The following RBM34 variants were observed in gnomAD, a reference collection of about 807,000 sequenced individuals.
The protein encoded by RBM34 is RNA binding motif protein 34.
Under a neutral mutation model 44.6 loss-of-function variants are expected in RBM34, and 39 were observed. The observed-to-expected ratio is 0.87, with a 90% CI of 0.68 to 1.14. RBM34 has a LOEUF of 1.14. Ranked by LOEUF, RBM34 falls within the 50% of genes most tolerant of loss-of-function variation. The probability of loss-of-function intolerance (pLI) is 0.00; values close to 1 mark genes in which losing one functional copy is unlikely to be tolerated. For synonymous variants in RBM34, 194 were observed against 184.0 expected (o/e 1.05, Z -0.44); for missense variants, 572 against 517.9 (o/e 1.10, Z -1.01).
chr1:235,140,680 C>G (rs1054509081), intron 6 of RBM34, among the ~76,000 whole-genome samples: 2 of 152,242 alleles, frequency 1.3e-5, no homozygotes, highest in South Asian at 4.1e-4. Flanking sequence ...GGAGTGCAGG[C>G]GCACGGCATG....
intron 10 of RBM34, among the ~76,000 whole-genome samples, chr1:235,133,335 T>C (rs998813312): frequency 6.6e-6 from 1 of 152,186 alleles, no homozygotes. Context: ...AGTGAGACTC[T>C]GTCTCAAAAA....
At position 235,148,508 on chromosome 1, in the gene RBM34, T is replaced by A; in HGVS notation, c.658-61A>T. 3.8e-6 allele frequency: 5 copies of A among 1,331,188 alleles called. No homozygotes were observed. In the East Asian group the frequency reaches 9.7e-5, roughly 26 times the overall value. 82.5% of individuals were successfully genotyped at this position (1,331,188 alleles called of 1,614,324 possible). A position where few individuals can be genotyped will look rare whatever the true frequency, so the allele number is the denominator to read the frequency against. ...TTTGAAGTATTACCTCAAATTAATA[T>A]TTTAAGTGAAGTCTAAGTATCTAAC... On this transcript the variant is annotated intron_variant, in intron 5 of 10. Transcript: ENST00000408888.
rs781088992 is a variant in RBM34 at position 235,131,433 on chromosome 1, A to G, written c.*280T>C. The G allele has an allele frequency of 7.9e-5, 20 of 252,972 alleles. No individual in the cohort carries two copies. Among genetic ancestry groups the G allele is most frequent in the Non-Finnish European group, 1.3e-4 (18 of 133,580 alleles). 15.7% of individuals were successfully genotyped at this position (252,972 alleles called of 1,614,324 possible). On this transcript the variant is annotated 3_prime_UTR_variant, in exon 11 of 11. Transcript: ENST00000408888. ...TGAGGCAGGAGAAGCGCTTGAACCC[A>G]GAAGGCAGAGGTTGCAGTGAGCCAA... is the stretch of plus-strand genomic sequence containing the variant.
chr1:235,149,250 G>A (rs556120455), intron 5 of RBM34, among the ~76,000 whole-genome samples: 1 of 151,814 alleles, frequency 6.6e-6, no homozygotes, highest in Admixed American at 6.6e-5. Flanking sequence ...TTAGCCAGAC[G>A]TGGTGGCGGG....
At position 235,160,534 on chromosome 1, in the gene RBM34, G is replaced by T; in HGVS notation, c.342C>A (p.Asn114Lys). 8 of 1,612,966 alleles carry T rather than the reference G, an allele frequency of 5.0e-6. No individual in the cohort carries two copies. Among genetic ancestry groups the T allele is most frequent in the Non-Finnish European group, 6.8e-6 (8 of 1,179,764 alleles). The change falls in exon 3 of 11, where the codon AAC (asparagine) becomes AAA (lysine). Residue 114 changes from asparagine (N) to lysine (K), a missense_variant. Transcript: ENST00000408888. The part of the protein sequence containing the change: ...KKVKAKKKHT[N>K]AEKKLADRES... Reference sequence around the variant, plus strand: ...ACCTGTCTGCCAACTTTTTTTCTGCGTTAGTGTGTTTCTTCTTCGCTTTCA... The same window carrying T: ...ACCTGTCTGCCAACTTTTTTTCTGCTTTAGTGTGTTTCTTCTTCGCTTTCA...
At chr1:235,135,626 A>G (rs1661395155) in intron 10 of RBM34, 26 bp downstream of exon 10, 5 of 1,570,140 alleles carry the variant, frequency 3.2e-6, no homozygotes, top group Admixed American at 1.7e-5. Flanking sequence ...TTCGAAGGAC[A>G]GTGACAATGC....
At chr1:235,136,365 G>A (rs1661433074) in intron 8 of RBM34, among the ~76,000 whole-genome samples, 1 of 152,188 alleles carries the variant, frequency 6.6e-6, no homozygotes, top group Admixed American at 6.5e-5. Flanking sequence ...GGGCCAGATA[G>A]CAAATATTAT....
chr1:235,138,172 C>T lies in RBM34; in HGVS notation c.704G>A (p.Arg235His), dbSNP rs775961717. ...TLSKKLAAIK[R>H]KIHPDQKNIN... ...ATTTTTCTGATCAGGATGAATTTTA[C>T]GTCTACACCAAAAAAAAAAAAAGAA... is the stretch of plus-strand genomic sequence containing the variant. The change falls in exon 7 of 11, where the codon CGT (arginine) becomes CAT (histidine). Residue 235 changes from arginine (R) to histidine (H), a missense_variant and splice_region_variant. Coordinates refer to ENST00000408888, the MANE Select transcript of RBM34 (RefSeq NM_015014.4). 16 of 1,561,368 alleles carry T rather than the reference C, an allele frequency of 1.0e-5. No homozygotes were observed. Among genetic ancestry groups the T allele is most frequent in the Admixed American group, 8.1e-5 (4 of 49,410 alleles).
At chr1:235,155,864 T>TACATAC (rs1172166098) in intron 3 of RBM34, among the ~76,000 whole-genome samples, 3 of 81,156 alleles carry the variant, frequency 3.7e-5, no homozygotes, top group African/African-American at 2.9e-4. Flanking sequence ...TATATATATA[T>TACATAC]ATACATATAT....
Position 235,161,166 on chromosome 1 carries a change from C to G in RBM34, c.53+8G>C. On this transcript the variant is annotated splice_region_variant and intron_variant, in intron 1 of 10. Coordinates refer to ENST00000408888, the MANE Select transcript of RBM34 (RefSeq NM_015014.4). Reference sequence around the variant, plus strand: ...CCTCCCCAGGTACTCGTGCCGCGCGCCACTCACCCCTCCTGGACACTTCTC... The same window carrying G: ...CCTCCCCAGGTACTCGTGCCGCGCGGCACTCACCCCTCCTGGACACTTCTC... The G allele has an allele frequency of 3.1e-6, 5 of 1,599,786 alleles. No homozygotes were observed. The highest frequency in any genetic ancestry group is 4.3e-6 in the Non-Finnish European group (5 of 1,170,090).
At chr1:235,137,588 G>A (rs1448133822) in intron 8 of RBM34, among the ~76,000 whole-genome samples, 1 of 150,934 alleles carries the variant, frequency 6.6e-6, no homozygotes, top group Non-Finnish European at 1.5e-5. Context: ...CATTGCTCAG[G>A]CTGCTCTTAA....
At chr1:235,146,445 G>C (rs1312731331) in intron 6 of RBM34, among the ~76,000 whole-genome samples, 1 of 152,042 alleles carries the variant, frequency 6.6e-6, no homozygotes, top group Non-Finnish European at 1.5e-5. Flanking sequence ...GGGAAGGTGT[G>C]GAGTAGTGCA....
intron 5 of RBM34, among the ~76,000 whole-genome samples, chr1:235,149,388 C>CA (rs1171671362): frequency 0.18 from 9,891 of 56,182 alleles, 686 homozygotes; most frequent in African/African-American, 0.25. Context: ...GACTCCGTCT[C>CA]AAAAAAAAAA....
chr1:235,152,471 A>ACAT, intron 5 of RBM34: 1 of 1,232,654 alleles, frequency 8.1e-7, no homozygotes, highest in South Asian at 2.3e-5. Flanking sequence ...CCTCCAAAGT[A>ACAT]CATTGCAGGC....
chr1:235,140,180 T>C (rs1212682987), intron 6 of RBM34, among the ~76,000 whole-genome samples: 1 of 152,234 alleles, frequency 6.6e-6, no homozygotes, highest in Non-Finnish European at 1.5e-5. Flanking sequence ...GCTCCCACTT[T>C]GACGGCACTT....
chr1:235,160,194 G>C (rs963178345), intron 3 of RBM34: 4 of 467,514 alleles, frequency 8.6e-6, no homozygotes, highest in African/African-American at 7.9e-5. Flanking sequence ...GGAGGTTGCA[G>C]TGAGCTGAGA....
chr1:235,160,553 G>A lies in RBM34; in HGVS notation c.323C>T (p.Ala108Val). The change falls in exon 3 of 11, where the codon GCG becomes GTG. Residue 108 changes from alanine (A) to valine (V), a missense_variant. By Grantham distance (64) the Ala-to-Val change is moderately conservative (BLOSUM62 0). Transcript: ENST00000408888. ...LSQEPAKKVK[A>V]KKKHTNAEKK... is the part of the protein sequence containing the mutation. ...TTCTGCGTTAGTGTGTTTCTTCTTC[G>A]CTTTCACTTTTTTGGCAGGTTCTTG... The A allele has an allele frequency of 1.9e-6, 3 of 1,613,820 alleles. No individual in the cohort carries two copies. The highest frequency in any genetic ancestry group is 2.5e-6 in the Non-Finnish European group (3 of 1,179,962).
Position 235,131,619 on chromosome 1 carries a change from A to G in RBM34, c.*94T>C. On this transcript the variant is annotated 3_prime_UTR_variant, in exon 11 of 11. Transcript: ENST00000408888. ...ATACACCATCCATAAAGAAGTATAAAACTCAACACATGAATAGCAGACGAT... is the reference window on the plus strand; with the variant it reads ...ATACACCATCCATAAAGAAGTATAAGACTCAACACATGAATAGCAGACGAT... 7.2e-7 allele frequency: 1 copy of G among 1,379,410 alleles called. No individual in the cohort carries two copies. The highest frequency in any genetic ancestry group is 9.9e-7 in the Non-Finnish European group (1 of 1,013,670). 85.4% of individuals were successfully genotyped at this position (1,379,410 alleles called of 1,614,324 possible). A position where few individuals can be genotyped will look rare whatever the true frequency, so the allele number is the denominator to read the frequency against.
At chr1:235,149,293 G>T (rs572299204) in intron 5 of RBM34, among the ~76,000 whole-genome samples, 1 of 151,124 alleles carries the variant, frequency 6.6e-6, no homozygotes, top group South Asian at 2.1e-4. Context: ...GGAGGCTGAG[G>T]CAGGAGAATG....
Sources: allele counts gnomAD v4.1 joint callset (sites outside exome capture counted in the v4.1 genomes callset), GRCh38; gene constraint gnomAD v4.1.1; transcripts MANE v1.5; gene names NCBI Gene and HGNC (gene_info 2026-07-23, HGNC 2026-07-21).